The following SRRD variants were observed in gnomAD, a reference collection of about 807,000 sequenced individuals.
The protein encoded by SRRD is SRR1-like protein.
In SRRD, 28 loss-of-function variants were observed where a neutral mutation model predicts 30.7. The ratio of observed to expected loss-of-function variants is 0.91; its 90% CI spans 0.68 to 1.25. The LOEUF (loss-of-function observed/expected upper bound fraction) is 1.25. Ranked by LOEUF, SRRD falls within the 50% of genes most tolerant of loss-of-function variation. The pLI, the probability that SRRD is intolerant of heterozygous loss-of-function variation, is 0.00. For missense variants in SRRD, 415 were observed against 417.3 expected, an observed-to-expected ratio of 0.99 and a Z score of 0.05; for synonymous variants, 161 against 159.6, an observed-to-expected ratio of 1.01 and a Z score of -0.07.
At position 26,493,786 on chromosome 22, in the gene SRRD, A is replaced by G. The variant is rs1339234009; in HGVS notation, c.*2114A>G. 4.1e-6 allele frequency: 1 copy of G among 241,796 alleles called. No homozygotes were observed. The highest frequency in any genetic ancestry group is 8.2e-6 in the Non-Finnish European group (1 of 121,452). 15.0% of individuals were successfully genotyped at this position (241,796 alleles called of 1,614,324 possible). A position where few individuals can be genotyped will look rare whatever the true frequency, so the allele number is the denominator to read the frequency against. Reference sequence around the variant, plus strand: ...TGTCAGACCGCGTGCCAAACTCCACACTGTAAGATGCGTCACCTAAGCAGC... The same window carrying G: ...TGTCAGACCGCGTGCCAAACTCCACGCTGTAAGATGCGTCACCTAAGCAGC... On this transcript the variant is annotated 3_prime_UTR_variant, in exon 7 of 7. Transcript: ENST00000215917.
At position 26,484,105 on chromosome 22, in the gene SRRD, T is replaced by G; in HGVS notation, c.209+6T>G. On this transcript the variant is annotated splice_donor_region_variant and intron_variant, in intron 1 of 6. Coordinates refer to ENST00000215917, the MANE Select transcript of SRRD (RefSeq NM_001013694.3). The stretch of plus-strand genomic sequence containing the variant: ...CGTCGCATCTGGGAGGCTGAGTGAG[T>G]GCAGGCTCGGCCCTGATGGAATCTT... 1 of 1,522,716 alleles carries G rather than the reference T, an allele frequency of 6.6e-7. No individual in the cohort carries two copies. The highest frequency in any genetic ancestry group is 1.2e-5 in the South Asian group (1 of 83,470). 94.3% of individuals were successfully genotyped at this position (1,522,716 alleles called of 1,614,324 possible). A position where few individuals can be genotyped will look rare whatever the true frequency, so the allele number is the denominator to read the frequency against.
chr22:26,488,538 C>T (rs752296464), intron 4 of SRRD, 50 bp downstream of exon 4: 3 of 1,414,558 alleles, frequency 2.1e-6, no homozygotes, highest in Non-Finnish European at 2.0e-6. Context: ...CCTGACCAGA[C>T]TCACCCCAGG....
Position 26,493,902 on chromosome 22 carries a change from G to A in SRRD, c.*2230G>A. 2 of 498,054 alleles carry A rather than the reference G, an allele frequency of 4.0e-6. No individual in the cohort carries two copies. The highest frequency in any genetic ancestry group is 7.3e-6 in the Non-Finnish European group (2 of 274,506). 30.9% of individuals were successfully genotyped at this position (498,054 alleles called of 1,614,324 possible). On this transcript the variant is annotated 3_prime_UTR_variant, in exon 7 of 7. Transcript: ENST00000215917. The stretch of plus-strand genomic sequence containing the variant: ...GTTAGACTGACATCATCTGAATCCA[G>A]CTTAAGTCAGTCTCCACTCAGGGAA...
rs777552892 is a variant in SRRD at position 26,488,496 on chromosome 22, G to GT, written c.609+11dup. On this transcript the variant is annotated intron_variant, in intron 4 of 6. Coordinates refer to ENST00000215917, the MANE Select transcript of SRRD (RefSeq NM_001013694.3). ...GTTCTCAGTGAGAACGAGGTAAGTG[G>GT]TTTAAAGGGGAGCAGACAGAACTGT... 1.2e-6 allele frequency: 2 copies of GT among 1,603,412 alleles called. No homozygotes were observed. The highest frequency in any genetic ancestry group is 1.7e-6 in the Non-Finnish European group (2 of 1,170,332).
intron 3 of SRRD, 42 bp downstream of exon 3, chr22:26,488,330 C>CT: frequency 6.2e-7 from 1 of 1,613,436 alleles, no homozygotes; most frequent in Non-Finnish European, 8.5e-7. Flanking sequence ...TCCTCTGGTC[C>CT]TATACATGGG....
intron 2 of SRRD, among the ~76,000 whole-genome samples, chr22:26,486,550 C>T (rs1041907325): frequency 6.6e-6 from 1 of 152,158 alleles, no homozygotes; most frequent in African/African-American, 2.4e-5. Context: ...TCTTACTCTT[C>T]GCCTAGGCTG....
Position 26,492,237 on chromosome 22 carries a change from C to A in SRRD, c.*565C>A. On this transcript the variant is annotated 3_prime_UTR_variant, in exon 7 of 7. Coordinates refer to ENST00000215917, the MANE Select transcript of SRRD (RefSeq NM_001013694.3). ...TTCATGGGCACAGAGCTAGCGGCCA[C>A]GCCAATGCCCCTCTGAGCCATGTTC... is the stretch of plus-strand genomic sequence containing the variant. The A allele has an allele frequency of 6.2e-7, 1 of 1,614,228 alleles. No individual in the cohort carries two copies. The highest frequency in any genetic ancestry group is 1.3e-5 in the African/African-American group (1 of 75,060).
rs780208454 is a variant in SRRD, at chr22:26,484,009, C to T, written c.119C>T (p.Ala40Val). Residue 40 changes from alanine to valine, a missense_variant, in exon 1 of 7, where the codon GCG (alanine) becomes GTG (valine). Ala to Val is a moderately conservative substitution (Grantham distance 64). Transcript: ENST00000215917. ...GCGGCGCCCCGGGGGAGAGAGGCGGCGCCCCGGGGGAGAGAGGCGGCGCCC... is the reference window on the plus strand; with the variant it reads ...GCGGCGCCCCGGGGGAGAGAGGCGGTGCCCCGGGGGAGAGAGGCGGCGCCC... ...REAAPRGREA[A>V]PRGREAAPRG... The T allele has an allele frequency of 1.7e-4, 224 of 1,340,756 alleles. 3 individuals are homozygous for T. Among genetic ancestry groups the T allele is most frequent in the South Asian group, 1.6e-3 (94 of 57,876 alleles). The allele number at this position is 1,340,756 out of a possible 1,614,324, so 83.1% of individuals were successfully genotyped here. A position where few individuals can be genotyped will look rare whatever the true frequency, so the allele number is the denominator to read the frequency against.
chr22:26,486,904 G>A (rs2091712624), intron 2 of SRRD, among the ~76,000 whole-genome samples: 1 of 145,886 alleles, frequency 6.9e-6, no homozygotes, highest in South Asian at 2.2e-4. Context: ...GTTTAAAGAT[G>A]TCTTTGCTGC....
rs1014398963 is a variant in SRRD at position 26,491,816 on chromosome 22, A to C, written c.*144A>C. On this transcript the variant is annotated 3_prime_UTR_variant, in exon 7 of 7. Transcript: ENST00000215917. ...TGTCCTGTTTTGAGGACGATACCCC[A>C]CATGAGGACTTGGTATAAAGATTCC... is the stretch of plus-strand genomic sequence containing the variant. 7 of 920,238 alleles carry C rather than the reference A, an allele frequency of 7.6e-6. No homozygotes were observed. The highest frequency in any genetic ancestry group is 1.7e-5 in the African/African-American group (1 of 59,882). The allele number at this position is 920,238 out of a possible 1,614,324, so 57.0% of individuals were successfully genotyped here. A position where few individuals can be genotyped will look rare whatever the true frequency, so the allele number is the denominator to read the frequency against.
rs1213802010 is a variant in SRRD at position 26,493,110 on chromosome 22, C to G, written c.*1438C>G. On this transcript the variant is annotated 3_prime_UTR_variant, in exon 7 of 7. Coordinates refer to ENST00000215917, the MANE Select transcript of SRRD (RefSeq NM_001013694.3). ...GCTTGCAATCTCGGCTCACTACAACCTCTGCCTCCCAGGTTTAAGCGATTC... is the reference window on the plus strand; with the variant it reads ...GCTTGCAATCTCGGCTCACTACAACGTCTGCCTCCCAGGTTTAAGCGATTC... 6.6e-6 allele frequency: 1 copy of G among 152,048 alleles called. No individual in the cohort carries two copies. Among genetic ancestry groups the G allele is most frequent in the Non-Finnish European group, 1.5e-5 (1 of 68,042 alleles). The allele number at this position is 152,048 out of a possible 1,614,324, so 9.4% of individuals were successfully genotyped here. A position where few individuals can be genotyped will look rare whatever the true frequency, so the allele number is the denominator to read the frequency against.
At chr22:26,484,583 C>A (rs2091652999) in intron 1 of SRRD, among the ~76,000 whole-genome samples, 1 of 152,244 alleles carries the variant, frequency 6.6e-6, no homozygotes, top group Non-Finnish European at 1.5e-5. Flanking sequence ...TCATTCTACA[C>A]ACTTTATGTT....
Position 26,492,759 on chromosome 22 carries a change from T to G in SRRD, c.*1087T>G. 1 of 199,176 alleles carries G rather than the reference T, an allele frequency of 5.0e-6. No homozygotes were observed. The allele number at this position is 199,176 out of a possible 1,614,324, so 12.3% of individuals were successfully genotyped here. On this transcript the variant is annotated 3_prime_UTR_variant, in exon 7 of 7. Coordinates refer to ENST00000215917, the MANE Select transcript of SRRD (RefSeq NM_001013694.3). ...TAGTACCTTGAAAACATAGGGCCCA[T>G]ACTGGCTTTATTTTTAACCTACCCA...
At position 26,491,729 on chromosome 22, in the gene SRRD, G is replaced by A. The variant is rs2147113680; in HGVS notation, c.*57G>A. 2.7e-6 allele frequency: 4 copies of A among 1,491,188 alleles called. No homozygotes were observed. In the South Asian group the frequency reaches 3.5e-5, roughly 13 times the overall value. The allele number at this position is 1,491,188 out of a possible 1,614,324, so 92.4% of individuals were successfully genotyped here. Reference sequence around the variant, plus strand: ...GTAGAAGCTGCCACCAGAGACTAAAGGGAAGGCTGCTATGGAGGAACTACA... The same window carrying A: ...GTAGAAGCTGCCACCAGAGACTAAAAGGAAGGCTGCTATGGAGGAACTACA... On this transcript the variant is annotated 3_prime_UTR_variant, in exon 7 of 7. Coordinates refer to ENST00000215917, the MANE Select transcript of SRRD (RefSeq NM_001013694.3).
Position 26,484,702 on chromosome 22 carries a change from C to T in SRRD, c.209+603C>T, listed in dbSNP as rs187209764. 3.3e-5 allele frequency among the ~76,000 whole-genome samples: 5 copies of T among 152,308 alleles called. No individual in the cohort carries two copies. The East Asian group carries it at 9.7e-4, about 29-fold the overall frequency. ...CAGGTCTTTGTGACAAAAACCAGTGCTTCCAGCTTTCCATTATGCTTGTTG... is the reference window on the plus strand; with the variant it reads ...CAGGTCTTTGTGACAAAAACCAGTGTTTCCAGCTTTCCATTATGCTTGTTG... On this transcript the variant is annotated intron_variant, in intron 1 of 6. Transcript: ENST00000215917.
chr22:26,490,112 C>T lies in SRRD; in HGVS notation c.678C>T (p.Tyr226=), dbSNP rs2147110325. Residue 226 remains tyrosine, a synonymous_variant, in exon 5 of 7, where the codon TAC becomes TAT. Coordinates refer to ENST00000215917, the MANE Select transcript of SRRD (RefSeq NM_001013694.3). Reference sequence around the variant, plus strand: ...TGCTCCATTGTGGGACGGCCTTGTACAACAATCTTTTATGGAGTAACTGGT... The same window carrying T: ...TGCTCCATTGTGGGACGGCCTTGTATAACAATCTTTTATGGAGTAACTGGT... ...FYMLHCGTAL[Y]NNLLWSNWSV... 2 of 1,614,082 alleles carry T rather than the reference C, an allele frequency of 1.2e-6. No homozygotes were observed. The highest frequency in any genetic ancestry group is 2.7e-5 in the African/African-American group (2 of 75,014).
chr22:26,491,444 C>T lies in SRRD; in HGVS notation c.811-19C>T, dbSNP rs752976130. The T allele has an allele frequency of 6.3e-7, 1 of 1,594,676 alleles. No homozygotes were observed. The highest frequency in any genetic ancestry group is 1.1e-5 in the South Asian group (1 of 89,376). On this transcript the variant is annotated intron_variant, in intron 6 of 6. Coordinates refer to ENST00000215917, the MANE Select transcript of SRRD (RefSeq NM_001013694.3). Reference sequence around the variant, plus strand: ...ACTGTGACTATCTGAAGTTTTTATACTTGAATTTTTCTGCTCAGATTTTAA... The same window carrying T: ...ACTGTGACTATCTGAAGTTTTTATATTTGAATTTTTCTGCTCAGATTTTAA...
chr22:26,484,208 T>C (rs80306655), intron 1 of SRRD, 109 bp downstream of exon 1: 23,409 of 1,159,572 alleles, frequency 0.02, 284 homozygotes, highest in Non-Finnish European at 0.025. Context: ...TAAGGAGTTA[T>C]TGTGAAGAGT....
chr22:26,483,886 G>T lies in SRRD; in HGVS notation c.-5G>T, dbSNP rs979556029. 338 of 1,350,088 alleles carry T rather than the reference G, an allele frequency of 2.5e-4. No individual in the cohort carries two copies. Among genetic ancestry groups the T allele is most frequent in the Non-Finnish European group, 3.0e-4 (316 of 1,060,274 alleles). The allele number at this position is 1,350,088 out of a possible 1,614,324, so 83.6% of individuals were successfully genotyped here. ...TGCGCCGCACGCCGCTGACGTCAGA[G>T]ACCAATGGCTGCGGCCGCAGCTGCG... On this transcript the variant is annotated 5_prime_UTR_variant, in exon 1 of 7. Coordinates refer to ENST00000215917, the MANE Select transcript of SRRD (RefSeq NM_001013694.3).
Sources: allele counts gnomAD v4.1 joint callset (sites outside exome capture counted in the v4.1 genomes callset), GRCh38; gene constraint gnomAD v4.1.1; transcripts MANE v1.5; gene names NCBI Gene and HGNC (gene_info 2026-07-23, HGNC 2026-07-21).